CELSR1: variants seen among roughly 807,000 people sequenced by gnomAD.
The protein encoded by CELSR1 is cadherin EGF LAG seven-pass G-type receptor 1, also known as adhesion G protein-coupled receptor C1.
A neutral mutation model predicts 249.1 loss-of-function variants in CELSR1; 110 were observed. That is an observed-to-expected ratio of 0.44 (90% CI 0.38 to 0.52). The LOEUF (loss-of-function observed/expected upper bound fraction) is 0.52. Ranked by LOEUF, CELSR1 falls within the 20% of genes least tolerant of loss-of-function variation. The pLI, the probability that CELSR1 is intolerant of heterozygous loss-of-function variation, is 0.00. For synonymous variants in CELSR1, 2,113 were observed against 1,900.0 expected, an observed-to-expected ratio of 1.11 and a Z score of -2.92; for missense variants, 4,109 against 4,296.4, an observed-to-expected ratio of 0.96 and a Z score of 1.22.
intron 29 of CELSR1, 62 bp downstream of exon 29, chr22:46,366,931 C>G (rs1042309275): frequency 6.4e-7 from 1 of 1,550,792 alleles, no homozygotes; most frequent in African/African-American, 1.4e-5. Flanking sequence ...CTCGATCACC[C>G]TCCCCCGCCC....
In CELSR1 at chr22:46,411,060, G is replaced by A. The variant is rs8136445; in HGVS notation, c.4770-499C>T. Among the ~76,000 whole-genome samples the A allele has an allele frequency of 0.063, 9,573 of 152,154 alleles. 341 individuals are homozygous for A. Among genetic ancestry groups the A allele is most frequent in the African/African-American group, 0.089 (3,714 of 41,500 alleles). ...CTAAAAATACAAAAATTAGCTGGGC[G>A]TGGTGGTGCATGCCTGTAGTCCCAG... On this transcript the variant is annotated intron_variant, in intron 6 of 34. Coordinates refer to ENST00000674500, the MANE Select transcript of CELSR1 (RefSeq NM_001378328.1). The surrounding 1 kb of genome is among the most constrained non-coding windows in gnomAD (Gnocchi z 4.2).
chr22:46,384,141 G>C (rs538310071), intron 20 of CELSR1, among the ~76,000 whole-genome samples: 60 of 152,008 alleles, frequency 3.9e-4, no homozygotes, highest in African/African-American at 1.4e-3. Context: ...TTACCACGTT[G>C]GCCAGGCTGG....
Position 46,409,708 on chromosome 22 carries a change from C to T in CELSR1, c.5059+47G>A. ...TCCCGGGCACATCAAGGAGCAATGC[C>T]TCCCAGGCCGCCGTGACCGGGGGGA... On this transcript the variant is annotated intron_variant, in intron 8 of 34. Transcript: ENST00000674500. The surrounding 1 kb of genome is among the most constrained non-coding windows in gnomAD (Gnocchi z 9.8). 6.2e-7 allele frequency: 1 copy of T among 1,606,118 alleles called. No homozygotes were observed. Among genetic ancestry groups the T allele is most frequent in the Non-Finnish European group, 8.5e-7 (1 of 1,179,408 alleles).
chr22:46,397,895 T>A, intron 11 of CELSR1, 47 bp from the exon 12 acceptor site: 1 of 1,437,792 alleles, frequency 7.0e-7, no homozygotes, highest in Non-Finnish European at 9.2e-7. Flanking sequence ...CGGAAAGGTA[T>A]GTAGGGGTTA....
At chr22:46,467,396 T>A (rs1200605889) in intron 1 of CELSR1, among the ~76,000 whole-genome samples, 1 of 152,164 alleles carries the variant, frequency 6.6e-6, no homozygotes, top group Non-Finnish European at 1.5e-5. Context: ...AATGGACTAC[T>A]ACGCTGTCAT....
Position 46,429,391 on chromosome 22 carries a change from GA to G in CELSR1, c.4611+4001del, listed in dbSNP as rs2079569644. On this transcript the variant is annotated intron_variant, in intron 5 of 34. Coordinates refer to ENST00000674500, the MANE Select transcript of CELSR1 (RefSeq NM_001378328.1). The surrounding 1 kb of genome is among the most constrained non-coding windows in gnomAD (Gnocchi z 4.1). ...ACCAGCCTGGGGTGAAGCAACGACT[GA>G]AAATGCTCCACTCGGCCCCAAACCT... is the stretch of plus-strand genomic sequence containing the variant. Among the ~76,000 whole-genome samples, 1 of 152,214 alleles carries G rather than the reference GA, an allele frequency of 6.6e-6. No individual in the cohort carries two copies. Among genetic ancestry groups the G allele is most frequent in the Non-Finnish European group, 1.5e-5 (1 of 68,034 alleles).
chr22:46,386,452 T>C lies in CELSR1; in HGVS notation c.6689A>G (p.Asn2230Ser), dbSNP rs1242569962. Residue 2230 changes from asparagine to serine, a missense_variant, in exon 19 of 35, where the codon AAC (asparagine) becomes AGC (serine). Asn to Ser is a conservative substitution (Grantham distance 46). Coordinates refer to ENST00000674500, the MANE Select transcript of CELSR1 (RefSeq NM_001378328.1). ...LEGYFSNVAR[N>S]VRRTYLRPFV... is the part of the protein sequence containing the mutation. ...GGGCCGCAGGTACGTCCGCCGCACG[T>C]TGCGTGCCACGTTGCTGAAGTAGCC... 4.4e-6 allele frequency: 7 copies of C among 1,603,222 alleles called. No homozygotes were observed. Among genetic ancestry groups the C allele is most frequent in the East Asian group, 2.2e-5 (1 of 44,484 alleles).
At position 46,386,432 on chromosome 22, in the gene CELSR1, G is replaced by A. The variant is rs765602720; in HGVS notation, c.6709C>T (p.Arg2237Trp). The A allele has an allele frequency of 9.4e-6, 15 of 1,591,290 alleles. No homozygotes were observed. The highest frequency in any genetic ancestry group is 2.3e-5 in the South Asian group (2 of 88,586). The change falls in exon 19 of 35, where the codon CGG becomes TGG. Residue 2237 changes from arginine (R) to tryptophan (W), a missense_variant. Transcript: ENST00000674500. ...VARNVRRTYL[R>W]PFVIVTANMI... The stretch of plus-strand genomic sequence containing the variant: ...TTGGCGGTGACGATGACGAAGGGCC[G>A]CAGGTACGTCCGCCGCACGTTGCGT...
chr22:46,467,158 A>G (rs913414563), intron 1 of CELSR1, among the ~76,000 whole-genome samples: 2 of 152,266 alleles, frequency 1.3e-5, no homozygotes, highest in African/African-American at 2.4e-5. Flanking sequence ...TGTGTTAAAA[A>G]TGTGAACGTA....
rs539495427 is a variant in CELSR1 at position 46,480,262 on chromosome 22, C to T, written c.3545-15917G>A. On this transcript the variant is annotated intron_variant, in intron 1 of 34. Transcript: ENST00000674500. Reference sequence around the variant, plus strand: ...GCCTGTCATGTTTTTGCATGGTCTCCAAGCTGTGGTAGACGAAATAATGTC... The same window carrying T: ...GCCTGTCATGTTTTTGCATGGTCTCTAAGCTGTGGTAGACGAAATAATGTC... Among the ~76,000 whole-genome samples, 3 of 152,320 alleles carry T rather than the reference C, an allele frequency of 2.0e-5. No homozygotes were observed. In the South Asian group the frequency reaches 6.2e-4, roughly 32 times the overall value.
rs368674826 is a variant in CELSR1, at chr22:46,369,121, C to T, written c.7952+58G>A. 99 of 1,552,910 alleles carry T rather than the reference C, an allele frequency of 6.4e-5. 1 individual carries two copies. The highest frequency in any genetic ancestry group is 3.2e-4 in the South Asian group (29 of 89,806). The stretch of plus-strand genomic sequence containing the variant: ...GGGGCCCCACCCCGCAGAGACTGGA[C>T]GTCGGGGTCTCAGGGCCCAGCCGAC... On this transcript the variant is annotated intron_variant, in intron 27 of 34. Transcript: ENST00000674500.
At chr22:46,503,199 C>G (rs761473468) in intron 1 of CELSR1, among the ~76,000 whole-genome samples, 1 of 152,202 alleles carries the variant, frequency 6.6e-6, no homozygotes, top group Admixed American at 6.5e-5. Flanking sequence ...AGACTTGGAG[C>G]CCTTGGAATA....
intron 24 of CELSR1, among the ~76,000 whole-genome samples, chr22:46,376,452 G>A (rs2078919039): frequency 6.6e-6 from 1 of 152,148 alleles, no homozygotes; most frequent in African/African-American, 2.4e-5. Context: ...TCTGCTCACT[G>A]CAACCTCTGC....
intron 27 of CELSR1, among the ~76,000 whole-genome samples, chr22:46,368,498 C>T (rs934518148): frequency 6.6e-6 from 1 of 151,986 alleles, no homozygotes; most frequent in African/African-American, 2.4e-5. Context: ...CCTCCCGGGC[C>T]GGGAGCCTCA....
chr22:46,475,550 C>T (rs73888522), intron 1 of CELSR1, among the ~76,000 whole-genome samples: 84 of 151,946 alleles, frequency 5.5e-4, no homozygotes, highest in African/African-American at 2.0e-3. Context: ...ATGGTGGTGA[C>T]GCCCATGAAA....
At position 46,534,784 on chromosome 22, in the gene CELSR1, A is replaced by G; in HGVS notation, c.2387T>C (p.Val796Ala). The G allele has an allele frequency of 6.2e-7, 1 of 1,613,188 alleles. No homozygotes were observed. Among genetic ancestry groups the G allele is most frequent in the East Asian group, 2.2e-5 (1 of 44,868 alleles). ...RPVFQSSHYTVSVSEDRPVGT... is the reference protein window; with the variant it reads ...RPVFQSSHYTASVSEDRPVGT... ...CACAGGCCTGTCCTCACTGACACTC[A>G]CTGTGTAATGGGAGCTCTGAAAGAC... The change falls in exon 1 of 35, where the codon GTG (valine) becomes GCG (alanine). Residue 796 changes from valine (V) to alanine (A), a missense_variant. Transcript: ENST00000674500. This position sits in a 1 kb window ranked among gnomAD's most constrained non-coding sequence, Gnocchi z 9.7.
chr22:46,413,938 G>A lies in CELSR1; in HGVS notation c.4612-2179C>T, dbSNP rs562523741. Among the ~76,000 whole-genome samples the A allele has an allele frequency of 3.9e-5, 6 of 152,250 alleles. No homozygotes were observed. The highest frequency in any genetic ancestry group is 2.1e-4 in the South Asian group (1 of 4,816). ...GGCGTGAGACTACTGGAGGAAGGGC[G>A]TAAGTAGCATTTACACTGGGAAGGC... On this transcript the variant is annotated intron_variant, in intron 5 of 34. Transcript: ENST00000674500. This position sits in a 1 kb window ranked among gnomAD's most constrained non-coding sequence, Gnocchi z 4.7.
chr22:46,487,534 G>A (rs1229020270), intron 1 of CELSR1, among the ~76,000 whole-genome samples: 2 of 96,706 alleles, frequency 2.1e-5, no homozygotes, highest in South Asian at 8.1e-4. Flanking sequence ...AGCCCCACGG[G>A]GGAGGGGAGT....
chr22:46,463,639 C>CACCTGAG (rs1186329538), intron 2 of CELSR1, 68 bp downstream of exon 2: 1 of 1,422,852 alleles, frequency 7.0e-7, no homozygotes, highest in Non-Finnish European at 9.2e-7. Flanking sequence ...CAGAGGAAAC[C>CACCTGAG]ACCTGAGACC....
Sources: allele counts gnomAD v4.1 joint callset (sites outside exome capture counted in the v4.1 genomes callset), GRCh38; gene constraint gnomAD v4.1.1; non-coding constraint Gnocchi (gnomAD v3.1); transcripts MANE v1.5; gene names NCBI Gene and HGNC (gene_info 2026-07-23, HGNC 2026-07-21).